ERBIN: variants seen among roughly 807,000 people sequenced by gnomAD.
ERBIN encodes erbb2 interacting protein, also known as densin-180-like protein.
A neutral mutation model predicts 158.4 loss-of-function variants in ERBIN; 60 were observed. The observed-to-expected ratio is 0.38, with a 90% CI of 0.31 to 0.47. ERBIN has a LOEUF of 0.47. Ranked by LOEUF, ERBIN falls within the 20% of genes least tolerant of loss-of-function variation. The pLI, the probability that ERBIN is intolerant of heterozygous loss-of-function variation, is 0.99. For missense variants in ERBIN, 1,610 were observed against 1,648.0 expected, an observed-to-expected ratio of 0.98 and a Z score of 0.40; for synonymous variants, 594 against 557.2, an observed-to-expected ratio of 1.07 and a Z score of -0.93.
intron 1 of ERBIN, among the ~76,000 whole-genome samples, chr5:65,937,295 T>C (rs1684967644): frequency 6.6e-6 from 1 of 152,220 alleles, no homozygotes; most frequent in Non-Finnish European, 1.5e-5. Context: ...ATAAAAGTAA[T>C]AACCTAGCTT....
At chr5:66,032,506 T>G (rs1005626693) in intron 14 of ERBIN, among the ~76,000 whole-genome samples, 1 of 152,224 alleles carries the variant, frequency 6.6e-6, no homozygotes, top group Non-Finnish European at 1.5e-5. Flanking sequence ...CTAGTCATGA[T>G]CAATTATTCA....
intron 14 of ERBIN, among the ~76,000 whole-genome samples, chr5:66,034,702 A>G (rs2151180565): frequency 6.6e-6 from 1 of 152,096 alleles, no homozygotes; most frequent in African/African-American, 2.4e-5. Context: ...AAGTATTATT[A>G]GTATCAGTAC....
chr5:66,034,918 G>A (rs1382034159), intron 14 of ERBIN, among the ~76,000 whole-genome samples: 2 of 152,144 alleles, frequency 1.3e-5, no homozygotes, highest in Non-Finnish European at 2.9e-5. Flanking sequence ...TACAAAAGGG[G>A]AGTCAAAGAC....
chr5:65,968,893 T>C (rs994119541), intron 1 of ERBIN, among the ~76,000 whole-genome samples: 4 of 152,214 alleles, frequency 2.6e-5, no homozygotes, highest in African/African-American at 9.6e-5. Context: ...GGAGAAATTA[T>C]GTAGCTCAAT....
chr5:65,983,621 A>G lies in ERBIN; in HGVS notation c.-57-5014A>G, dbSNP rs566483322. On this transcript the variant is annotated intron_variant, in intron 1 of 25. Coordinates refer to ENST00000284037, the MANE Select transcript of ERBIN (RefSeq NM_001253697.2). ...CTTACACAACCACTAAATACCATCT[A>G]ATAGGTGTGGGCATGCCTGAGGAGG... 3.4e-5 allele frequency among the ~76,000 whole-genome samples: 5 copies of G among 146,358 alleles called. No homozygotes were observed. In the East Asian group the frequency reaches 7.7e-4, roughly 23 times the overall value.
chr5:65,941,576 G>A (rs909679717), intron 1 of ERBIN, among the ~76,000 whole-genome samples: 6 of 151,902 alleles, frequency 3.9e-5, no homozygotes, highest in African/African-American at 1.2e-4. Flanking sequence ...ATCATTAAAT[G>A]ACAGTTATTT....
At chr5:65,985,902 C>T (rs940341438) in intron 1 of ERBIN, among the ~76,000 whole-genome samples, 4 of 152,182 alleles carry the variant, frequency 2.6e-5, no homozygotes, top group Non-Finnish European at 5.9e-5. Context: ...TCCTTATTAA[C>T]AGAGTTGATA....
intron 1 of ERBIN, among the ~76,000 whole-genome samples, chr5:65,934,359 T>G (rs1042270791): frequency 1.3e-5 from 2 of 152,226 alleles, no homozygotes; most frequent in African/African-American, 4.8e-5. Context: ...TATTCCAGTT[T>G]GGAATCATGT....
rs1762374851 is a variant in ERBIN at position 66,081,347 on chromosome 5, T to C, written c.*2817T>C. The C allele has an allele frequency of 6.6e-6, 1 of 151,986 alleles. No individual in the cohort carries two copies. The highest frequency in any genetic ancestry group is 1.5e-5 in the Non-Finnish European group (1 of 67,882). The allele number at this position is 151,986 out of a possible 1,614,324, so 9.4% of individuals were successfully genotyped here. The stretch of plus-strand genomic sequence containing the variant: ...TCTTCTGACCTCTTTGGACTGGATA[T>C]GAAGATATATATATATACACTTAAT... On this transcript the variant is annotated 3_prime_UTR_variant, in exon 26 of 26. Transcript: ENST00000284037.
intron 1 of ERBIN, among the ~76,000 whole-genome samples, chr5:65,943,571 C>T (rs1745338202): frequency 6.6e-6 from 1 of 152,146 alleles, no homozygotes; most frequent in Non-Finnish European, 1.5e-5. Context: ...TCTTAGTTGG[C>T]CTCTTTGTGT....
At chr5:65,995,264 A>G (rs2151056588) in intron 4 of ERBIN, among the ~76,000 whole-genome samples, 1 of 152,226 alleles carries the variant, frequency 6.6e-6, no homozygotes, top group African/African-American at 2.4e-5. Context: ...CCTTTGAACA[A>G]CATATTCCAA....
chr5:66,020,029 T>G (rs1755522143), intron 7 of ERBIN, among the ~76,000 whole-genome samples: 1 of 152,108 alleles, frequency 6.6e-6, no homozygotes, highest in South Asian at 2.1e-4. Flanking sequence ...TTTCGCTTGT[T>G]AATGAAGGAA....
At chr5:66,075,290 T>C in intron 23 of ERBIN, 60 bp downstream of exon 23, 2 of 1,326,202 alleles carry the variant, frequency 1.5e-6, no homozygotes. Flanking sequence ...TTTTTATAGG[T>C]TACTTAATTA....
intron 4 of ERBIN, among the ~76,000 whole-genome samples, chr5:66,010,720 C>T (rs1754111767): frequency 6.6e-6 from 1 of 152,158 alleles, no homozygotes; most frequent in Non-Finnish European, 1.5e-5. Context: ...TCCTGTTAAT[C>T]ATATCATGTT....
chr5:66,018,060 T>G (rs2151122230), intron 7 of ERBIN, among the ~76,000 whole-genome samples: 1 of 152,192 alleles, frequency 6.6e-6, no homozygotes, highest in South Asian at 2.1e-4. Context: ...TATACCATGC[T>G]GTTTTGATTA....
intron 14 of ERBIN, among the ~76,000 whole-genome samples, chr5:66,029,543 C>T (rs1756624807): frequency 6.6e-6 from 1 of 151,408 alleles, no homozygotes; most frequent in African/African-American, 2.4e-5. Flanking sequence ...TAACTGGGTA[C>T]CCTTTTCTGT....
intron 15 of ERBIN, among the ~76,000 whole-genome samples, chr5:66,040,350 A>C (rs1757805367): frequency 6.6e-6 from 1 of 151,852 alleles, no homozygotes; most frequent in Admixed American, 6.6e-5. Flanking sequence ...CTATTCTATC[A>C]TTGAAATTTA....
In ERBIN at chr5:66,022,493, A is replaced by G. The variant is rs115838565; in HGVS notation, c.598-797A>G. Among the ~76,000 whole-genome samples, 964 of 152,330 alleles carry G rather than the reference A, an allele frequency of 6.3e-3. 16 individuals carry two copies. Among genetic ancestry groups the G allele is most frequent in the African/African-American group, 0.022 (924 of 41,566 alleles). ...TATGTTAACAGTAAATCTGATTGGC[A>G]TGCCTTTTATATATGACTGTTAACT... On this transcript the variant is annotated intron_variant, in intron 8 of 25. Coordinates refer to ENST00000284037, the MANE Select transcript of ERBIN (RefSeq NM_001253697.2).
At chr5:66,022,271 C>T (rs1403974229) in intron 8 of ERBIN, among the ~76,000 whole-genome samples, 27 of 151,980 alleles carry the variant, frequency 1.8e-4, no homozygotes, top group Admixed American at 1.6e-3. Context: ...TGTATGAATC[C>T]GTTTCCGTAT....
Sources: gnomAD v4.1 joint callset for allele counts (sites outside exome capture counted in the v4.1 genomes callset) on GRCh38, gnomAD v4.1.1 for gene constraint, MANE v1.5 for transcripts, NCBI Gene and HGNC (gene_info 2026-07-23, HGNC 2026-07-21) for gene names.